EPB41L3: variants seen among roughly 807,000 people sequenced by gnomAD.
EPB41L3 encodes the protein band 4.1-like protein 3.
EPB41L3 carries 57 observed loss-of-function variants against 127.1 expected under a neutral mutation model. That is an observed-to-expected ratio of 0.45 (90% CI 0.36 to 0.56). The LOEUF (loss-of-function observed/expected upper bound fraction) is 0.56, where lower values mean the gene tolerates loss of function less well. EPB41L3 is among the 20% of genes least tolerant of loss of function. The pLI, the probability that EPB41L3 is intolerant of heterozygous loss-of-function variation, is 0.00. For synonymous variants in EPB41L3, 572 were observed against 549.5 expected, an observed-to-expected ratio of 1.04 and a Z score of -0.57; for missense variants, 1,273 against 1,372.2, an observed-to-expected ratio of 0.93 and a Z score of 1.14.
rs181501958 is a variant in EPB41L3 at position 5,483,798 on chromosome 18, C to T, written c.183+5203G>A. On this transcript the variant is annotated intron_variant, in intron 2 of 22. Coordinates refer to ENST00000341928, the MANE Select transcript of EPB41L3 (RefSeq NM_012307.5). ...CAATTACAAATATCTATGCACCTAA[C>T]ACCAGAGTTCCCAAGTATATAAAAC... Among the ~76,000 whole-genome samples the T allele has an allele frequency of 1.8e-3, 266 of 151,880 alleles. 3 individuals are homozygous for T. The highest frequency in any genetic ancestry group is 6.0e-3 in the African/African-American group (250 of 41,462).
chr18:5,622,951 ATT>A (rs10622515), intron 1 of EPB41L3, among the ~76,000 whole-genome samples: 4 of 76,050 alleles, frequency 5.3e-5, no homozygotes, highest in South Asian at 6.0e-4. Context: ...CATAATGCTG[ATT>A]TTTTTTTTTT....
At chr18:5,528,516 A>C (rs2093309812) in intron 1 of EPB41L3, among the ~76,000 whole-genome samples, 1 of 151,756 alleles carries the variant, frequency 6.6e-6, no homozygotes, top group Admixed American at 6.6e-5. Context: ...CATCTTTTCA[A>C]TCAACCCTTT....
At chr18:5,572,296 C>A (rs2094290645) in intron 3 of EPB41L3, among the ~76,000 whole-genome samples, 1 of 152,176 alleles carries the variant, frequency 6.6e-6, no homozygotes, top group African/African-American at 2.4e-5. Flanking sequence ...ATTCCCAACC[C>A]ACCTTTGTCA....
chr18:5,630,606 C>T (rs1208650566), upstream of EPB41L3: 2 of 479,896 alleles, frequency 4.2e-6, no homozygotes, highest in Non-Finnish European at 8.3e-6. Flanking sequence ...GGGCTCCTCC[C>T]GCAGCTGCGG....
chr18:5,504,980 C>A (rs1171643841), intron 1 of EPB41L3, among the ~76,000 whole-genome samples: 3 of 152,116 alleles, frequency 2.0e-5, no homozygotes, highest in Admixed American at 6.5e-5. Flanking sequence ...CACTCCTTAA[C>A]CCTATACTTC....
chr18:5,486,245 C>T (rs61201798), intron 2 of EPB41L3, among the ~76,000 whole-genome samples: 16,713 of 151,916 alleles, frequency 0.11, 2,045 homozygotes, highest in African/African-American at 0.3. Flanking sequence ...GAGAACAGTC[C>T]TTTCAGTAAA....
At chr18:5,610,251 GA>G in intron 3 of EPB41L3, 2 of 985,300 alleles carry the variant, frequency 2.0e-6, no homozygotes, top group East Asian at 1.1e-4. Context: ...AAAAGAGAGA[GA>G]AAAAAATACT....
chr18:5,396,985 T>G, intron 18 of EPB41L3, 73 bp downstream of exon 18: 2 of 1,461,458 alleles, frequency 1.4e-6, no homozygotes, highest in Non-Finnish European at 9.2e-7. Flanking sequence ...TCCACCTTTA[T>G]GCTGATCTAA....
At chr18:5,560,331 T>C (rs1388702266) in intron 3 of EPB41L3, among the ~76,000 whole-genome samples, 1 of 152,212 alleles carries the variant, frequency 6.6e-6, no homozygotes, top group African/African-American at 2.4e-5. Flanking sequence ...TAATCTAGAT[T>C]CAGCAACTTT....
intron 1 of EPB41L3, among the ~76,000 whole-genome samples, chr18:5,495,429 C>T (rs200680631): frequency 1.4e-5 from 2 of 142,850 alleles, no homozygotes. Context: ...CTAAATGAAA[C>T]AGTAAGGCCA....
intron 1 of EPB41L3, among the ~76,000 whole-genome samples, chr18:5,530,159 C>T (rs543278508): frequency 6.6e-6 from 1 of 152,052 alleles, no homozygotes; most frequent in Non-Finnish European, 1.5e-5. Context: ...TTATTGGGTA[C>T]TTATGTGCAA....
At chr18:5,395,403 A>G (rs1334284503) in intron 20 of EPB41L3, among the ~76,000 whole-genome samples, 1 of 152,182 alleles carries the variant, frequency 6.6e-6, no homozygotes, top group East Asian at 1.9e-4. Context: ...GGATATCAGA[A>G]TGTATATTCC....
In EPB41L3 at chr18:5,537,920, T is replaced by C. The variant is rs1362474542; in HGVS notation, c.-12+5993A>G. 2.0e-5 allele frequency among the ~76,000 whole-genome samples: 3 copies of C among 152,272 alleles called. No individual in the cohort carries two copies. The East Asian group carries it at 5.8e-4, about 29-fold the overall frequency. Reference sequence around the variant, plus strand: ...GAAAAACAATCACTGATACACAGAATGGACAGTGTAAAATAAGCATTACAT... The same window carrying C: ...GAAAAACAATCACTGATACACAGAACGGACAGTGTAAAATAAGCATTACAT... On this transcript the variant is annotated intron_variant, in intron 1 of 22. Coordinates refer to ENST00000341928, the MANE Select transcript of EPB41L3 (RefSeq NM_012307.5).
At chr18:5,463,243 A>G (rs920723665) in intron 3 of EPB41L3, among the ~76,000 whole-genome samples, 1 of 152,224 alleles carries the variant, frequency 6.6e-6, no homozygotes, top group African/African-American at 2.4e-5. Context: ...AGAACATTTT[A>G]AAACATGAAT....
chr18:5,586,142 T>A (rs2094439949), intron 3 of EPB41L3, among the ~76,000 whole-genome samples: 1 of 152,200 alleles, frequency 6.6e-6, no homozygotes, highest in Admixed American at 6.5e-5. Flanking sequence ...CTGCTTCCTA[T>A]GATGTGATGG....
intron 3 of EPB41L3, among the ~76,000 whole-genome samples, chr18:5,460,054 T>C (rs1464419520): frequency 2.0e-5 from 3 of 152,222 alleles, no homozygotes; most frequent in Non-Finnish European, 4.4e-5. Flanking sequence ...TCCCTGCTCC[T>C]CTCTCCCTCA....
At chr18:5,460,274 G>T (rs371960040) in intron 3 of EPB41L3, among the ~76,000 whole-genome samples, 4 of 152,122 alleles carry the variant, frequency 2.6e-5, no homozygotes, top group African/African-American at 9.7e-5. Flanking sequence ...GGTTCTCTCA[G>T]TAATGATCCT....
At chr18:5,472,694 T>C (rs996374233) in intron 3 of EPB41L3, among the ~76,000 whole-genome samples, 1 of 152,040 alleles carries the variant, frequency 6.6e-6, no homozygotes, top group Non-Finnish European at 1.5e-5. Context: ...CAAGCACTTC[T>C]AAAGGGGTTG....
chr18:5,397,095 T>C lies in EPB41L3; in HGVS notation c.2804A>G (p.His935Arg), dbSNP rs752797363. ...TTTTTGTTCCAAAGTTTCTGAAATGTGGATGGCTGCACTCTGCTCCTCTTG... is the reference window on the plus strand; with the variant it reads ...TTTTTGTTCCAAAGTTTCTGAAATGCGGATGGCTGCACTCTGCTCCTCTTG... Reference protein sequence around the residue: ...ERQEEQSAAIHISETLEQKPH... With the variant: ...ERQEEQSAAIRISETLEQKPH... Residue 935 changes from histidine to arginine, a missense_variant, in exon 18 of 23, where the codon CAC (histidine) becomes CGC (arginine). His to Arg is a conservative substitution (Grantham distance 29, BLOSUM62 0). This residue lies in a region of EPB41L3 where 765 missense variants were observed against 782.9 expected (regional missense o/e 0.98). Transcript: ENST00000341928. This position sits in a 1 kb window ranked among gnomAD's most constrained non-coding sequence, Gnocchi z 4.1. 2.5e-6 allele frequency: 4 copies of C among 1,609,402 alleles called. No individual in the cohort carries two copies. The Admixed American group carries it at 5.1e-5, about 20-fold the overall frequency.
Sources: allele counts gnomAD v4.1 joint callset (sites outside exome capture counted in the v4.1 genomes callset), GRCh38; gene constraint gnomAD v4.1.1; regional missense constraint gnomAD v4.1.1; non-coding constraint Gnocchi (gnomAD v3.1); transcripts MANE v1.5; gene names NCBI Gene and HGNC (gene_info 2026-07-23, HGNC 2026-07-21).